The following PDE1A variants were observed in gnomAD, a reference collection of about 807,000 sequenced individuals.
The protein encoded by PDE1A is dual specificity calcium/calmodulin-dependent 3',5'-cyclic nucleotide phosphodiesterase 1A.
PDE1A carries 35 observed loss-of-function variants against 61.7 expected under a neutral mutation model. The ratio of observed to expected loss-of-function variants is 0.57; its 90% CI spans 0.43 to 0.75. The LOEUF is 0.75. Among genes scored for constraint, PDE1A ranks in the 30% least tolerant of loss-of-function variants. The pLI is 0.00. For synonymous variants in PDE1A, 232 were observed against 213.2 expected (o/e 1.09, Z -0.77); for missense variants, 597 against 630.6 (o/e 0.95, Z 0.57).
intron 1 of PDE1A, among the ~76,000 whole-genome samples, chr2:182,359,375 C>A (rs975808409): frequency 2.6e-5 from 4 of 152,060 alleles, no homozygotes; most frequent in Non-Finnish European, 4.4e-5. Context: ...TCCCTCCATC[C>A]GATTCTTGAT....
At chr2:182,360,961 C>T (rs1699469576) in intron 1 of PDE1A, among the ~76,000 whole-genome samples, 2 of 152,146 alleles carry the variant, frequency 1.3e-5, no homozygotes, top group Admixed American at 6.6e-5. Flanking sequence ...ATAATAAAGG[C>T]TTATTTGTCT....
chr2:182,701,943 TAAAC>T, the PDE1A span, among the ~76,000 whole-genome samples: 18 of 152,268 alleles, frequency 1.2e-4, 1 homozygote, highest in Admixed American at 1.2e-3. Flanking sequence ...TACAAATAAA[TAAAC>T]AAAATTTAAG....
chr2:182,514,461 A>G (rs1456088207), intron 2 of PDE1A, among the ~76,000 whole-genome samples: 4 of 152,348 alleles, frequency 2.6e-5, no homozygotes, highest in African/African-American at 9.6e-5. Flanking sequence ...ACAGCATGGC[A>G]CTGGTACAAA....
chr2:182,534,240 A>G, the PDE1A span, among the ~76,000 whole-genome samples: 11 of 152,048 alleles, frequency 7.2e-5, no homozygotes, highest in African/African-American at 2.7e-4. Context: ...ATTTGGTTGT[A>G]TCATGATTTA....
chr2:182,259,499 C>A (rs1410983911), intron 2 of PDE1A, among the ~76,000 whole-genome samples: 1 of 152,080 alleles, frequency 6.6e-6, no homozygotes, highest in African/African-American at 2.4e-5. Flanking sequence ...TTAAATTTTA[C>A]TCTTAGGCAT....
the PDE1A span, among the ~76,000 whole-genome samples, chr2:182,602,749 G>A: frequency 9.2e-5 from 14 of 152,194 alleles, no homozygotes; most frequent in African/African-American, 3.4e-4. Flanking sequence ...TGGAAGAACA[G>A]GCATGAGAAA....
intron 2 of PDE1A, among the ~76,000 whole-genome samples, chr2:182,438,442 T>C (rs1215270000): frequency 6.6e-6 from 1 of 151,976 alleles, no homozygotes; most frequent in Non-Finnish European, 1.5e-5. Context: ...TATTCTATTT[T>C]TAAAAGTAAT....
chr2:182,282,760 A>C (rs1266697436), intron 1 of PDE1A, among the ~76,000 whole-genome samples: 4 of 152,056 alleles, frequency 2.6e-5, no homozygotes, highest in African/African-American at 7.2e-5. Context: ...TATAGTCTAC[A>C]TGCATGTTTT....
In PDE1A at chr2:182,264,333, A is replaced by C. The variant is rs1242171014; in HGVS notation, c.135T>G (p.Ser45=). 5.6e-6 allele frequency: 9 copies of C among 1,613,056 alleles called. No individual in the cohort carries two copies. The African/African-American group carries it at 1.2e-4, about 22-fold the overall frequency. ...CATCGATATAAACTGCTTCCAGCAC[A>C]GATGCCGCATATTCAATATTCTTCT... The change falls in exon 2 of 14, where the codon TCT becomes TCG. Residue 45 remains serine (S), a synonymous_variant. Coordinates refer to ENST00000351439, the Ensembl canonical transcript of PDE1A.
chr2:182,592,910 A>T, the PDE1A span, among the ~76,000 whole-genome samples: 1 of 152,192 alleles, frequency 6.6e-6, no homozygotes, highest in Non-Finnish European at 1.5e-5. Flanking sequence ...TAGGAACCGA[A>T]AGCATAAAAC....
chr2:182,293,252 A>G (rs1251255119), intron 1 of PDE1A, among the ~76,000 whole-genome samples: 1 of 152,138 alleles, frequency 6.6e-6, no homozygotes, highest in Non-Finnish European at 1.5e-5. Context: ...ATTTGAAAGT[A>G]AAAGGATGGA....
Position 182,210,229 on chromosome 2 carries a change from A to G in PDE1A, c.777-4164T>C, listed in dbSNP as rs184521229. ...GTAATAAATTGGTAAACTGTCTTCC[A>G]AAATGGCTATACCAGTTTTCATGCC... On this transcript the variant is annotated intron_variant, in intron 7 of 13. Transcript: ENST00000351439. 3.4e-3 allele frequency among the ~76,000 whole-genome samples: 519 copies of G among 152,366 alleles called. 2 individuals carry two copies. The highest frequency in any genetic ancestry group is 0.012 in the African/African-American group (505 of 41,584).
chr2:182,702,602 A>G, the PDE1A span, among the ~76,000 whole-genome samples: 14 of 152,236 alleles, frequency 9.2e-5, no homozygotes, highest in Non-Finnish European at 1.6e-4. Flanking sequence ...GGAGAAAGAC[A>G]CATTGTCTTA....
chr2:182,444,445 A>G (rs1685002662), intron 2 of PDE1A, among the ~76,000 whole-genome samples: 1 of 152,056 alleles, frequency 6.6e-6, no homozygotes, highest in Admixed American at 6.6e-5. Flanking sequence ...TTCCTGTCTC[A>G]TTTTGTACAG....
chr2:182,674,952 ATTTAT>A, the PDE1A span, among the ~76,000 whole-genome samples: 103 of 152,050 alleles, frequency 6.8e-4, no homozygotes, highest in African/African-American at 2.3e-3. Context: ...GTTTTTATTT[ATTTAT>A]TTAACTTTTA....
intron 3 of PDE1A, among the ~76,000 whole-genome samples, chr2:182,236,937 G>A (rs1019877202): frequency 1.3e-5 from 2 of 152,152 alleles, no homozygotes; most frequent in African/African-American, 4.8e-5. Context: ...ATCAGGAATA[G>A]AATTCTAGGA....
At chr2:182,436,493 G>A (rs1290375673) in intron 2 of PDE1A, among the ~76,000 whole-genome samples, 1 of 151,896 alleles carries the variant, frequency 6.6e-6, no homozygotes, top group Non-Finnish European at 1.5e-5. Flanking sequence ...GATACCAGAA[G>A]AGAATACTGG....
the PDE1A span, among the ~76,000 whole-genome samples, chr2:182,565,358 C>T: frequency 6.6e-6 from 1 of 152,180 alleles, no homozygotes; most frequent in Non-Finnish European, 1.5e-5. Flanking sequence ...GCGGTGGCTG[C>T]AGAACAGCGG....
chr2:182,542,957 T>C, the PDE1A span, among the ~76,000 whole-genome samples: 2 of 152,218 alleles, frequency 1.3e-5, no homozygotes, highest in Non-Finnish European at 2.9e-5. Flanking sequence ...ATAAGCATTA[T>C]CATTGATGTA....
Sources: gnomAD v4.1 joint callset for allele counts (sites outside exome capture counted in the v4.1 genomes callset) on GRCh38, gnomAD v4.1.1 for gene constraint, MANE v1.5 for transcripts, NCBI Gene and HGNC (gene_info 2026-07-23, HGNC 2026-07-21) for gene names.